The following RYR3 variants were observed in gnomAD, a reference collection of about 807,000 sequenced individuals.
RYR3 encodes the protein brain ryanodine receptor-calcium release channel.
Under a neutral mutation model 584.3 loss-of-function variants are expected in RYR3, and 207 were observed. That is an observed-to-expected ratio of 0.35 (90% CI 0.32 to 0.40). The LOEUF (loss-of-function observed/expected upper bound fraction) is 0.40, where lower values mean the gene tolerates loss of function less well. Ranked by LOEUF, RYR3 falls within the 10% of genes least tolerant of loss-of-function variation. The pLI is 1.00. For synonymous variants in RYR3, 2,416 were observed against 2,248.5 expected, an observed-to-expected ratio of 1.07 and a Z score of -2.11; for missense variants, 5,616 against 6,089.2, an observed-to-expected ratio of 0.92 and a Z score of 2.59.
intron 11 of RYR3, among the ~76,000 whole-genome samples, chr15:33,563,404 G>T (rs977476442): frequency 6.6e-6 from 1 of 152,230 alleles, no homozygotes; most frequent in Non-Finnish European, 1.5e-5. Context: ...AGAAAATGCA[G>T]ATTGCATAAT....
chr15:33,783,799 C>T (rs2074537992), intron 65 of RYR3, among the ~76,000 whole-genome samples: 1 of 152,156 alleles, frequency 6.6e-6, no homozygotes, highest in African/African-American at 2.4e-5. Context: ...TCTCCAGACT[C>T]CCATGATCTT....
chr15:33,686,542 T>C (rs548417879), intron 38 of RYR3, among the ~76,000 whole-genome samples: 31 of 152,144 alleles, frequency 2.0e-4, no homozygotes, highest in Non-Finnish European at 3.7e-4. Flanking sequence ...TTCCAATGAA[T>C]AGAAAAAGAG....
chr15:33,417,058 T>G (rs1286114754), intron 1 of RYR3, among the ~76,000 whole-genome samples: 1 of 152,220 alleles, frequency 6.6e-6, no homozygotes. Context: ...TGTGTCTATT[T>G]TTGTACCAGT....
intron 3 of RYR3, among the ~76,000 whole-genome samples, chr15:33,504,421 G>A (rs1211142522): frequency 6.6e-6 from 1 of 151,910 alleles, no homozygotes; most frequent in Non-Finnish European, 1.5e-5. Flanking sequence ...TAATTCTACT[G>A]CCTGAATATC....
At chr15:33,338,093 C>T (rs7176535) in intron 1 of RYR3, among the ~76,000 whole-genome samples, 103,887 of 151,712 alleles carry the variant, frequency 0.68, 36,248 homozygotes, top group African/African-American at 0.83. Flanking sequence ...TGCAGGCGCC[C>T]GCCACCACGC....
In RYR3 at chr15:33,697,846, G is replaced by A. The variant is rs772031375; in HGVS notation, c.6135-36G>A. 3 of 1,285,668 alleles carry A rather than the reference G, an allele frequency of 2.3e-6. No individual in the cohort carries two copies. The East Asian group carries it at 7.0e-5, about 30-fold the overall frequency. The allele number at this position is 1,285,668 out of a possible 1,614,324, so 79.6% of individuals were successfully genotyped here. A position where few individuals can be genotyped will look rare whatever the true frequency, so the allele number is the denominator to read the frequency against. On this transcript the variant is annotated intron_variant, in intron 39 of 103. Transcript: ENST00000634891. ...CTGAATTTTCATAGCATATAAATAA[G>A]CAGGTGCTGAAGACTCTCTCTGATC... is the stretch of plus-strand genomic sequence containing the variant.
intron 43 of RYR3, among the ~76,000 whole-genome samples, chr15:33,716,260 T>C (rs911330111): frequency 1.3e-5 from 2 of 152,186 alleles, no homozygotes; most frequent in African/African-American, 4.8e-5. Flanking sequence ...AGGTATTTTT[T>C]TATGGCAATG....
intron 1 of RYR3, among the ~76,000 whole-genome samples, chr15:33,373,619 ATTGT>A (rs1432435822): frequency 7.9e-5 from 12 of 152,166 alleles, no homozygotes; most frequent in South Asian, 4.1e-4. Context: ...GATTTTAAAA[ATTGT>A]TTGTTTGTTT....
intron 1 of RYR3, among the ~76,000 whole-genome samples, chr15:33,336,827 G>A (rs527778231): frequency 2.6e-5 from 4 of 151,594 alleles, no homozygotes; most frequent in Non-Finnish European, 5.9e-5. Context: ...AGGCTGAGGC[G>A]GGCGGATCAC....
chr15:33,669,269 AT>A, intron 36 of RYR3, 84 bp from the exon 37 acceptor site: 1 of 983,348 alleles, frequency 1.0e-6, no homozygotes. Flanking sequence ...TTTGAAAAGA[AT>A]GTAAGTGTCT....
At chr15:33,624,912 T>C (rs1410712931) in intron 20 of RYR3, among the ~76,000 whole-genome samples, 1 of 152,242 alleles carries the variant, frequency 6.6e-6, no homozygotes, top group Non-Finnish European at 1.5e-5. Context: ...ATTTTTCCCA[T>C]AATATTCGTA....
At chr15:33,635,087 T>C (rs930354649) in intron 25 of RYR3, among the ~76,000 whole-genome samples, 1 of 152,214 alleles carries the variant, frequency 6.6e-6, no homozygotes, top group African/African-American at 2.4e-5. Flanking sequence ...TTAGATCAGG[T>C]AATCACATCT....
At chr15:33,523,803 G>A (rs1438539281) in intron 3 of RYR3, among the ~76,000 whole-genome samples, 1 of 152,152 alleles carries the variant, frequency 6.6e-6, no homozygotes, top group East Asian at 1.9e-4. Context: ...CCTGCAGCAG[G>A]AGATGTTTAC....
At chr15:33,518,767 A>T (rs1323600802) in intron 3 of RYR3, among the ~76,000 whole-genome samples, 2 of 152,200 alleles carry the variant, frequency 1.3e-5, no homozygotes, top group Non-Finnish European at 2.9e-5. Context: ...GCTTGGACCT[A>T]AGCTAGCCTC....
chr15:33,476,851 A>G (rs1284168758), intron 2 of RYR3, among the ~76,000 whole-genome samples: 7 of 152,264 alleles, frequency 4.6e-5, no homozygotes, highest in Middle Eastern at 3.4e-3. Context: ...CACGGTAAGG[A>G]TAGAGCAGAT....
intron 27 of RYR3, among the ~76,000 whole-genome samples, chr15:33,637,365 C>A (rs748447301): frequency 2.0e-5 from 3 of 152,204 alleles, no homozygotes; most frequent in Non-Finnish European, 2.9e-5. Flanking sequence ...ATATAAAATT[C>A]AACGGCAGTG....
At chr15:33,515,680 T>C (rs1273545251) in intron 3 of RYR3, among the ~76,000 whole-genome samples, 6 of 152,240 alleles carry the variant, frequency 3.9e-5, no homozygotes. Flanking sequence ...GAATGGTAAG[T>C]TCGCTGGGCT....
chr15:33,427,440 T>C (rs1038038697), intron 1 of RYR3, among the ~76,000 whole-genome samples: 1 of 152,162 alleles, frequency 6.6e-6, no homozygotes, highest in African/African-American at 2.4e-5. Flanking sequence ...AAAAAACAAA[T>C]GAAAAATATT....
chr15:33,761,757 G>C (rs1246741061), intron 60 of RYR3, among the ~76,000 whole-genome samples: 2 of 152,160 alleles, frequency 1.3e-5, no homozygotes, highest in Non-Finnish European at 2.9e-5. Context: ...CATTTTATGA[G>C]GCCAGCATTA....
Sources: allele counts gnomAD v4.1 joint callset (sites outside exome capture counted in the v4.1 genomes callset), GRCh38; gene constraint gnomAD v4.1.1; transcripts MANE v1.5; gene names NCBI Gene and HGNC (gene_info 2026-07-23, HGNC 2026-07-21).